POLA1: variants seen among roughly 807,000 people sequenced by gnomAD.
The protein encoded by POLA1 is DNA polymerase alpha 1, catalytic subunit.
Under a neutral mutation model 124.0 loss-of-function variants are expected in POLA1, and 15 were observed. That is an observed-to-expected ratio of 0.12 (90% confidence interval 0.08 to 0.19). The LOEUF is 0.19. Ranked by LOEUF, POLA1 falls within the 10% of genes least tolerant of loss-of-function variation. The pLI, the probability that POLA1 is intolerant of heterozygous loss-of-function variation, is 1.00. For synonymous variants in POLA1, 408 were observed against 389.4 expected, an observed-to-expected ratio of 1.05 and a Z score of -0.56; for missense variants, 886 against 1,103.4, an observed-to-expected ratio of 0.80 and a Z score of 2.79.
intron 36 of POLA1, among the ~76,000 whole-genome samples, chrX:24,992,492 AACTG>A (rs1309127709): frequency 1.8e-5 from 2 of 112,862 alleles, no homozygotes; most frequent in African/African-American, 6.4e-5. Flanking sequence ...AATCAATTAT[AACTG>A]ACTGTTGTTT....
At chrX:24,853,692 C>T (rs768791087) in intron 34 of POLA1, among the ~76,000 whole-genome samples, 1 of 111,486 alleles carries the variant, frequency 9.0e-6, no homozygotes, top group South Asian at 3.8e-4. Flanking sequence ...GTTGGTTTTT[C>T]TTGAGGTTAC....
chrX:24,758,246 A>G (rs1932713758), intron 26 of POLA1, among the ~76,000 whole-genome samples: 1 of 111,345 alleles, frequency 9.0e-6, no homozygotes, highest in South Asian at 3.7e-4. Flanking sequence ...TGGTAAGCAT[A>G]TAATATATAT....
Position 24,940,482 on chromosome X carries a change from C to T in POLA1, c.4261+9933C>T, listed in dbSNP as rs1158540481. 3.6e-5 allele frequency among the ~76,000 whole-genome samples: 4 copies of T among 111,269 alleles called. No individual in the cohort carries two copies. The East Asian group carries it at 1.1e-3, about 31-fold the overall frequency. ...ACTCATGGCAGAGAAGTGAGTAGAT[C>T]CTTTAAGTATCATGATGGAATGTAC... is the stretch of plus-strand genomic sequence containing the variant. On this transcript the variant is annotated intron_variant, in intron 36 of 36. Coordinates refer to ENST00000379068, the MANE Select transcript of POLA1 (RefSeq NM_001330360.2).
rs368623044 is a variant in POLA1, at chrX:24,753,317, C to CTATTTTATTTTATTT, written c.2964+4363_2964+4377dup. Reference sequence around the variant, plus strand: ...ACAGGCATGAGCCACCACGCCAGGCCTATTTTATTTTATTTTATTTTATTT... The same window carrying CTATTTTATTTTATTT: ...ACAGGCATGAGCCACCACGCCAGGCCTATTTTATTTTATTTTATTTTATTTTATTTTATTTTATTT... On this transcript the variant is annotated intron_variant, in intron 26 of 36. Transcript: ENST00000379068. 3.2e-3 allele frequency among the ~76,000 whole-genome samples: 285 copies of CTATTTTATTTTATTT among 89,623 alleles called. 2 individuals are homozygous for CTATTTTATTTTATTT. Among genetic ancestry groups the CTATTTTATTTTATTT allele is most frequent in the African/African-American group, 0.012 (256 of 21,831 alleles). The allele number at this position is 89,623 out of a possible 115,157, so 77.8% of individuals were successfully genotyped here.
At chrX:24,879,291 A>G (rs1260061075) in intron 34 of POLA1, among the ~76,000 whole-genome samples, 1 of 111,751 alleles carries the variant, frequency 8.9e-6, no homozygotes. Flanking sequence ...TGAAATGACT[A>G]TGTGCCTTAC....
At chrX:24,873,074 C>T (rs772155998) in intron 34 of POLA1, among the ~76,000 whole-genome samples, 3 of 111,455 alleles carry the variant, frequency 2.7e-5, no homozygotes, top group South Asian at 7.6e-4. Context: ...TGTTGAGGTT[C>T]ATTCTTGGTG....
At chrX:24,874,024 T>C (rs1398127145) in intron 34 of POLA1, among the ~76,000 whole-genome samples, 1 of 111,829 alleles carries the variant, frequency 8.9e-6, no homozygotes, top group Non-Finnish European at 1.9e-5. Flanking sequence ...AGCATAGATG[T>C]AGTATGTAAA....
intron 36 of POLA1, among the ~76,000 whole-genome samples, chrX:24,945,139 A>G (rs1056743939): frequency 8.9e-6 from 1 of 112,853 alleles, no homozygotes; most frequent in African/African-American, 3.2e-5. Context: ...GCAGGATGAC[A>G]TGGAAATAGG....
intron 36 of POLA1, among the ~76,000 whole-genome samples, chrX:24,969,033 C>T (rs975483025): frequency 1.1e-4 from 12 of 110,299 alleles, no homozygotes; most frequent in African/African-American, 4.0e-4. Flanking sequence ...ATAGTGAAAC[C>T]CCATCTCTAC....
chrX:24,991,625 A>G (rs772310708), intron 36 of POLA1, among the ~76,000 whole-genome samples: 1 of 112,790 alleles, frequency 8.9e-6, no homozygotes, highest in African/African-American at 3.2e-5. Context: ...TTTATTGAAC[A>G]TGAACCAGAC....
chrX:24,724,468 G>T lies in POLA1; in HGVS notation c.1317+17G>T. On this transcript the variant is annotated intron_variant, in intron 12 of 36. Transcript: ENST00000379068. ...AAGTCTAAGGTTTGTATTTGGCGAT[G>T]ATTTTTTTCCAGCTCTGTTTGTTGT... 2 of 759,661 alleles carry T rather than the reference G, an allele frequency of 2.6e-6. No homozygotes were observed. Among genetic ancestry groups the T allele is most frequent in the Non-Finnish European group, 3.9e-6 (2 of 507,958 alleles). 62.6% of individuals were successfully genotyped at this position (759,661 alleles called of 1,213,427 possible).
At chrX:24,919,000 G>C (rs1303955302) in intron 35 of POLA1, among the ~76,000 whole-genome samples, 2 of 111,601 alleles carry the variant, frequency 1.8e-5, no homozygotes, top group African/African-American at 3.3e-5. Flanking sequence ...TCCAACATTG[G>C]GGATCACATT....
chrX:24,796,919 T>G (rs1219564034), intron 26 of POLA1, among the ~76,000 whole-genome samples: 3 of 111,558 alleles, frequency 2.7e-5, no homozygotes, highest in Admixed American at 9.5e-5. Context: ...ACCCAGTTGT[T>G]AAGCCAGGAA....
chrX:24,971,367 A>G (rs1012734783), intron 36 of POLA1, among the ~76,000 whole-genome samples: 6 of 112,654 alleles, frequency 5.3e-5, no homozygotes, highest in African/African-American at 9.7e-5. Flanking sequence ...CTGGGTGTCC[A>G]TATCTTACCT....
chrX:24,745,693 T>C, intron 24 of POLA1, 151 bp downstream of exon 24: 2 of 381,677 alleles, frequency 5.2e-6, no homozygotes, highest in East Asian at 4.5e-5. Flanking sequence ...TGGCTTTTAG[T>C]GTATTCCCAG....
At chrX:24,706,952 AT>A (rs1268544326) in intron 4 of POLA1, among the ~76,000 whole-genome samples, 4 of 112,788 alleles carry the variant, frequency 3.5e-5, no homozygotes, top group African/African-American at 1.3e-4. Context: ...TTACAAAAAA[AT>A]AAGCATATGT....
chrX:24,765,672 AT>A (rs1268390379), intron 26 of POLA1, among the ~76,000 whole-genome samples: 2 of 111,667 alleles, frequency 1.8e-5, no homozygotes, highest in African/African-American at 6.5e-5. Context: ...GCCATCTCTC[AT>A]TTTTAAATAA....
chrX:24,694,564 G>A (rs990959069), intron 1 of POLA1, among the ~76,000 whole-genome samples: 1 of 112,391 alleles, frequency 8.9e-6, no homozygotes, highest in African/African-American at 3.2e-5. Flanking sequence ...CAAGTGCTGC[G>A]TAGAAATCCT....
chrX:24,960,362 G>A (rs918106879), intron 36 of POLA1, among the ~76,000 whole-genome samples: 2 of 111,767 alleles, frequency 1.8e-5, no homozygotes, highest in Admixed American at 9.5e-5. Flanking sequence ...ACTGAGCTGC[G>A]CACCTCTTCC....
Sources: allele counts gnomAD v4.1 joint callset (sites outside exome capture counted in the v4.1 genomes callset), GRCh38; gene constraint gnomAD v4.1.1; transcripts MANE v1.5; gene names NCBI Gene and HGNC (gene_info 2026-07-23, HGNC 2026-07-21).